Variants in SIGLEC10 observed in about 807,000 individuals in gnomAD.
SIGLEC10 encodes the protein sialic acid-binding Ig-like lectin 10.
In SIGLEC10, 45 loss-of-function variants were observed where a neutral mutation model predicts 68.3. The observed-to-expected ratio is 0.66, with a 90% CI of 0.52 to 0.84. The LOEUF is 0.84. SIGLEC10 is among the 40% of genes least tolerant of loss of function. SIGLEC10 has a pLI of 0.00. For missense variants in SIGLEC10, 789 were observed against 883.1 expected (o/e 0.89, Z 1.35); for synonymous variants, 379 against 370.8 (o/e 1.02, Z -0.26).
Position 51,416,147 on chromosome 19 carries a change from C to G in SIGLEC10, c.775G>C (p.Gly259Arg). 1 of 1,609,946 alleles carries G rather than the reference C, an allele frequency of 6.2e-7. No homozygotes were observed. The highest frequency in any genetic ancestry group is 8.5e-7 in the Non-Finnish European group (1 of 1,178,090). Residue 259 changes from glycine to arginine, a missense_variant, in exon 5 of 11, where the codon GGA becomes CGA. Physicochemically the swap from Gly to Arg is moderately radical, Grantham distance 125 (BLOSUM62 -2). Transcript: ENST00000339313. ...TGGGCTTCCAGGTATGGGACATTTC[C>G]CTGGGGCTGGGGCTCCAGGGCTGGA... ...NTPALEPQPQ[G>R]NVPYLEAQKG...
At chr19:51,416,571 C>T (rs763937261) in intron 3 of SIGLEC10, 95 bp downstream of exon 3, 6 of 1,586,994 alleles carry the variant, frequency 3.8e-6, no homozygotes, top group South Asian at 2.3e-5. Context: ...CCTGGATGCT[C>T]CTGAGCTGGG....
chr19:51,412,791 C>T (rs1335770984), intron 10 of SIGLEC10, among the ~76,000 whole-genome samples: 1 of 148,170 alleles, frequency 6.7e-6, no homozygotes, highest in African/African-American at 2.5e-5. Context: ...TTTTTTGAGA[C>T]AGGGTCTCAC....
At chr19:51,416,637 C>G (rs1188105812) in intron 3 of SIGLEC10, 29 bp downstream of exon 3, 1 of 1,612,128 alleles carries the variant, frequency 6.2e-7, no homozygotes, top group South Asian at 1.1e-5. Flanking sequence ...GGGCTGTCTG[C>G]ACACCCCACC....
In SIGLEC10 at chr19:51,415,164, C is replaced by G; in HGVS notation, c.1330+17G>C. The G allele has an allele frequency of 1.3e-6, 2 of 1,588,904 alleles. No homozygotes were observed. Among genetic ancestry groups the G allele is most frequent in the South Asian group, 2.3e-5 (2 of 87,072 alleles). On this transcript the variant is annotated intron_variant, in intron 7 of 10. Transcript: ENST00000339313. ...GTCCCCTTCCTGGGACCCAGGTGTC[C>G]CCTTTCCCCCACTCACAGTGCACGG...
rs1988788722 is a variant in SIGLEC10, at chr19:51,417,257, C to T, written c.246G>A (p.Val82=). 2 of 1,614,118 alleles carry T rather than the reference C, an allele frequency of 1.2e-6. No homozygotes were observed. Among genetic ancestry groups the T allele is most frequent in the Non-Finnish European group, 1.7e-6 (2 of 1,180,048 alleles). Residue 82 remains valine (V), a synonymous_variant, in exon 2 of 11, where the codon GTG becomes GTA. Transcript: ENST00000339313. ...PVATNHQSRE[V]EMSTRGRFQL... ...GGAATCGGCCCCGGGTGCTCATTTC[C>T]ACCTCTCGACTCTGGTGGTTTGTGG... is the stretch of plus-strand genomic sequence containing the variant.
Position 51,416,157 on chromosome 19 carries a change from G to A in SIGLEC10, c.765C>T (p.Pro255=), listed in dbSNP as rs757358176. ...ISRDNTPALE[P]QPQGNVPYLE... ...GGTATGGGACATTTCCCTGGGGCTG[G>A]GGCTCCAGGGCTGGAGTGGGAGGAA... Residue 255 remains proline (P), a synonymous_variant, in exon 5 of 11, where the codon CCC becomes CCT. Coordinates refer to ENST00000339313, the MANE Select transcript of SIGLEC10 (RefSeq NM_033130.5). 2.5e-6 allele frequency: 4 copies of A among 1,610,226 alleles called. No homozygotes were observed. In the South Asian group the frequency reaches 4.4e-5, roughly 18 times the overall value.
Position 51,415,107 on chromosome 19 carries a change from G to A in SIGLEC10, c.1332C>T (p.Tyr444=). 1 of 1,572,686 alleles carries A rather than the reference G, an allele frequency of 6.4e-7. No homozygotes were observed. Among genetic ancestry groups the A allele is most frequent in the Non-Finnish European group, 8.6e-7 (1 of 1,161,068 alleles). The change falls in exon 8 of 11, where the codon TAC becomes TAT. Residue 444 remains tyrosine, a splice_region_variant and synonymous_variant. Transcript: ENST00000339313. ...AGGAGGGGCCCAGCAGCTTCGGGGA[G>A]TCTGAGGGGAGGGAGGACAGGACTC... ...QHVSLSLSVH[Y]SPKLLGPSCS...
rs60759605 is a variant in SIGLEC10 at position 51,416,191 on chromosome 19, AAGAG to A, written c.755-28_755-25del. 2,782 of 1,601,934 alleles carry A rather than the reference AAGAG, an allele frequency of 1.7e-3. 28 individuals carry two copies. In the African/African-American group the frequency reaches 0.033, roughly 19 times the overall value. On this transcript the variant is annotated intron_variant, in intron 4 of 10. Transcript: ENST00000339313. Reference sequence around the variant, plus strand: ...GGCTGGAGTGGGAGGAAAAAAAAAAAAGAGAGAAAGGGAGGGAGAAAGAGAGAAG... The same window carrying A: ...GGCTGGAGTGGGAGGAAAAAAAAAAAAGAAAGGGAGGGAGAAAGAGAGAAG...
At chr19:51,417,003 C>T (rs1599908336) in intron 2 of SIGLEC10, 53 bp from the exon 3 acceptor site, 1 of 1,592,588 alleles carries the variant, frequency 6.3e-7, no homozygotes, top group Admixed American at 1.7e-5. Flanking sequence ...TCCCTGAGAG[C>T]CCTCTCTGCT....
rs1988512570 is a variant in SIGLEC10, at chr19:51,415,436, G to C, written c.1075C>G (p.Leu359Val). The C allele has an allele frequency of 6.2e-7, 1 of 1,605,952 alleles. No individual in the cohort carries two copies. Among genetic ancestry groups the C allele is most frequent in the East Asian group, 2.2e-5 (1 of 44,750 alleles). Residue 359 changes from leucine (L) to valine (V), a missense_variant and splice_region_variant, in exon 7 of 11, where the codon CTG becomes GTG. Transcript: ENST00000339313. ...GACGTGCCGTTCCCAAGGTTTTCCA[G>C]GACTAGGGAAGGAAGAGGCAGAATC... is the stretch of plus-strand genomic sequence containing the variant. ...VMVSQANRTVLENLGNGTSLP... is the reference protein window; with the variant it reads ...VMVSQANRTVVENLGNGTSLP...
At position 51,411,346 on chromosome 19, in the gene SIGLEC10, G is replaced by T. The variant is rs761620466; in HGVS notation, c.1847C>A (p.Thr616Lys). Residue 616 changes from threonine (T) to lysine (K), a missense_variant, in exon 11 of 11, where the codon ACA (threonine) becomes AAA (lysine). Thr to Lys is a moderately conservative substitution (Grantham distance 78). Transcript: ENST00000339313. ...PLAQKRNQKATPNSPRTPLPP... is the reference protein window; with the variant it reads ...PLAQKRNQKAKPNSPRTPLPP... ...AAGAGGGGTCCGAGGACTGTTTGGTGTGGCTTTCTGATTCCGCTTCTGAGC... is the reference window on the plus strand; with the variant it reads ...AAGAGGGGTCCGAGGACTGTTTGGTTTGGCTTTCTGATTCCGCTTCTGAGC... The T allele has an allele frequency of 3.2e-5, 51 of 1,613,944 alleles. No individual in the cohort carries two copies. In the Middle Eastern group the frequency reaches 4.9e-4, roughly 16 times the overall value.
Position 51,414,412 on chromosome 19 carries a change from CTT to C in SIGLEC10, c.1709+8_1709+9del. The stretch of plus-strand genomic sequence containing the variant: ...GGCCCCAGACCCCGCCACGCCTCCT[CTT>C]AACCTACATGATCAGGGCCAGGCAG... On this transcript the variant is annotated splice_region_variant and intron_variant, in intron 9 of 10. Transcript: ENST00000339313. The surrounding 1 kb of genome is among the most constrained non-coding windows in gnomAD (Gnocchi z 4.1). The C allele has an allele frequency of 6.2e-7, 1 of 1,612,580 alleles. No homozygotes were observed. The highest frequency in any genetic ancestry group is 8.5e-7 in the Non-Finnish European group (1 of 1,179,282).
chr19:51,415,418 C>T lies in SIGLEC10; in HGVS notation c.1093G>A (p.Gly365Ser), dbSNP rs150773540. 935 of 1,605,112 alleles carry T rather than the reference C, an allele frequency of 5.8e-4. No homozygotes were observed. The highest frequency in any genetic ancestry group is 7.2e-4 in the Non-Finnish European group (843 of 1,174,784). Reference protein sequence around the residue: ...NRTVLENLGNGTSLPVLEGQS... With the variant: ...NRTVLENLGNSTSLPVLEGQS... ...CCCTCCAGTACTGGGAGAGACGTGC[C>T]GTTCCCAAGGTTTTCCAGGACTAGG... The change falls in exon 7 of 11, where the codon GGC becomes AGC. Residue 365 changes from glycine (G) to serine (S), a missense_variant. Transcript: ENST00000339313.
In SIGLEC10 at chr19:51,416,348, C is replaced by T. The variant is rs146361377; in HGVS notation, c.716G>A (p.Arg239Lys). 1,008 of 1,613,944 alleles carry T rather than the reference C, an allele frequency of 6.2e-4. 4 individuals carry two copies. Among genetic ancestry groups the T allele is most frequent in the Admixed American group, 2.7e-3 (160 of 60,010 alleles). ...ACGTGAAATGCTGATAACAAGGTCT[C>T]TGGGGGCATCTGCAACAAGATTGTG... ...TVRLRVAYAP[R>K]DLVISISRDN... The change falls in exon 4 of 11, where the codon AGA becomes AAA. Residue 239 changes from arginine (R) to lysine (K), a missense_variant. Physicochemically the swap from Arg to Lys is conservative, Grantham distance 26. Transcript: ENST00000339313.
Position 51,416,805 on chromosome 19 carries a change from T to A in SIGLEC10, c.567A>T (p.Gly189=). ...AGAAGTGGGAGGTCGTTGGTTTGGTTCCTTGGGAGGAGAGGGCAGCCCCCG... is the reference window on the plus strand; with the variant it reads ...AGAAGTGGGAGGTCGTTGGTTTGGTACCTTGGGAGGAGAGGGCAGCCCCCG... ...SWTGAALSSQ[G]TKPTTSHFSV... is the part of the protein sequence containing the mutation. Residue 189 remains glycine (G), a synonymous_variant, in exon 3 of 11, where the codon GGA becomes GGT. Coordinates refer to ENST00000339313, the MANE Select transcript of SIGLEC10 (RefSeq NM_033130.5). 1.2e-6 allele frequency: 2 copies of A among 1,614,160 alleles called. No individual in the cohort carries two copies. The highest frequency in any genetic ancestry group is 1.7e-6 in the Non-Finnish European group (2 of 1,180,024).
In SIGLEC10 at chr19:51,414,686, C is replaced by G. The variant is rs773037215; in HGVS notation, c.1615+138G>C. ...CCCCGGCCCAGGTGTTAGGACTTCC[C>G]ATTGTGTTTTCCTGTCTACATACAG... On this transcript the variant is annotated intron_variant, in intron 8 of 10. Coordinates refer to ENST00000339313, the MANE Select transcript of SIGLEC10 (RefSeq NM_033130.5). The surrounding 1 kb of genome is among the most constrained non-coding windows in gnomAD (Gnocchi z 4.1). The G allele has an allele frequency of 9.7e-6, 14 of 1,445,374 alleles. No homozygotes were observed. Among genetic ancestry groups the G allele is most frequent in the Non-Finnish European group, 1.3e-5 (14 of 1,040,162 alleles). 89.5% of individuals were successfully genotyped at this position (1,445,374 alleles called of 1,614,324 possible). A position where few individuals can be genotyped will look rare whatever the true frequency, so the allele number is the denominator to read the frequency against.
intron 3 of SIGLEC10, 106 bp downstream of exon 3, chr19:51,416,560 C>G: frequency 6.3e-7 from 1 of 1,578,238 alleles, no homozygotes. Flanking sequence ...AGCTTCCTCT[C>G]CCTGGATGCT....
Position 51,416,006 on chromosome 19 carries a change from G to A in SIGLEC10, c.916C>T (p.Leu306=). ...SSSHPWGPRP[L]GLELPGVKAG... The stretch of plus-strand genomic sequence containing the variant: ...TTCACCCCGGGCAGCTCCAGCCCCA[G>A]GGGTCTAGGGCCCCAGGGATGGGAC... The change falls in exon 5 of 11, where the codon CTG becomes TTG. Residue 306 remains leucine, a synonymous_variant. Coordinates refer to ENST00000339313, the MANE Select transcript of SIGLEC10 (RefSeq NM_033130.5). 6.2e-7 allele frequency: 1 copy of A among 1,613,582 alleles called. No homozygotes were observed. Among genetic ancestry groups the A allele is most frequent in the Non-Finnish European group, 8.5e-7 (1 of 1,180,002 alleles).
Position 51,416,180 on chromosome 19 carries a change from GAAA to G in SIGLEC10, c.755-16_755-14del, listed in dbSNP as rs375392809. The G allele has an allele frequency of 2.1e-5, 28 of 1,346,264 alleles. No individual in the cohort carries two copies. The highest frequency in any genetic ancestry group is 9.0e-5 in the South Asian group (7 of 77,788). The allele number at this position is 1,346,264 out of a possible 1,614,324, so 83.4% of individuals were successfully genotyped here. A position where few individuals can be genotyped will look rare whatever the true frequency, so the allele number is the denominator to read the frequency against. ...TGGGGCTCCAGGGCTGGAGTGGGAG[GAAA>G]AAAAAAAAAGAGAGAAAGGGAGGGA... On this transcript the variant is annotated splice_polypyrimidine_tract_variant and intron_variant, in intron 4 of 10. Coordinates refer to ENST00000339313, the MANE Select transcript of SIGLEC10 (RefSeq NM_033130.5).
Sources: gnomAD v4.1 joint callset for allele counts (sites outside exome capture counted in the v4.1 genomes callset) on GRCh38, gnomAD v4.1.1 for gene constraint, Gnocchi (gnomAD v3.1) non-coding constraint, MANE v1.5 for transcripts, NCBI Gene and HGNC (gene_info 2026-07-23, HGNC 2026-07-21) for gene names.